The following ENOX2 variants were observed in gnomAD, a reference collection of about 807,000 sequenced individuals.
ENOX2 encodes ecto-NOX disulfide-thiol exchanger 2, also known as APK1 antigen.
ENOX2 carries 36 observed loss-of-function variants against 45.0 expected under a neutral mutation model. The ratio of observed to expected loss-of-function variants is 0.80; its 90% CI spans 0.61 to 1.06. ENOX2 has a LOEUF of 1.06. ENOX2 is among the 50% of genes least tolerant of loss of function. The pLI, the probability that ENOX2 is intolerant of heterozygous loss-of-function variation, is 0.00. For missense variants in ENOX2, 423 were observed against 462.5 expected (o/e 0.91, Z 0.78); for synonymous variants, 174 against 152.3 (o/e 1.14, Z -1.05).
At chrX:130,757,955 G>A (rs779773485) in intron 3 of ENOX2, among the ~76,000 whole-genome samples, 3 of 111,341 alleles carry the variant, frequency 2.7e-5, no homozygotes, top group African/African-American at 9.8e-5. Flanking sequence ...TGCCCAAGCT[G>A]GTCTCAAACT....
At chrX:130,645,812 C>T in intron 10 of ENOX2, 3 of 764,035 alleles carry the variant, frequency 3.9e-6, no homozygotes, top group Non-Finnish European at 4.0e-6. Flanking sequence ...TTGTCTACTT[C>T]CTCAGCACCA....
In ENOX2 at chrX:130,665,683, G is replaced by A; in HGVS notation, c.974C>T (p.Ala325Val). The stretch of plus-strand genomic sequence containing the variant: ...CCACACGCTGATGTTCTTCCGCTGG[G>A]CTTTTGTGAAGTGGTCCCATGCCTT... ...KQKAWDHFTK[A>V]QRKNISVWCK... is the part of the protein sequence containing the mutation. The change falls in exon 9 of 15, where the codon GCC becomes GTC. Residue 325 changes from alanine to valine, a missense_variant. Ala to Val is a moderately conservative substitution (Grantham distance 64). This residue lies in a region of ENOX2 where 261 missense variants were observed against 306.8 expected (regional missense o/e 0.85). Transcript: ENST00000394363. 8.3e-7 allele frequency: 1 copy of A among 1,206,697 alleles called. No homozygotes were observed. The highest frequency in any genetic ancestry group is 1.1e-6 in the Non-Finnish European group (1 of 892,828).
At chrX:130,700,505 C>T (rs763087638) in intron 4 of ENOX2, among the ~76,000 whole-genome samples, 2 of 111,960 alleles carry the variant, frequency 1.8e-5, no homozygotes, top group South Asian at 3.8e-4. Flanking sequence ...AGGTTTCAAA[C>T]GTCTGGTTGA....
At chrX:130,821,738 A>T (rs1468027075) in intron 2 of ENOX2, among the ~76,000 whole-genome samples, 15 of 81,908 alleles carry the variant, frequency 1.8e-4, no homozygotes, top group Admixed American at 4.1e-4. Flanking sequence ...ATAAATAAAT[A>T]AATTAAAAAA....
chrX:130,647,237 C>T (rs1008732667), intron 10 of ENOX2, among the ~76,000 whole-genome samples: 1 of 112,547 alleles, frequency 8.9e-6, no homozygotes, highest in Non-Finnish European at 1.9e-5. Context: ...TTCTTCTGTT[C>T]TGTCAATAGA....
intron 8 of ENOX2, 58 bp from the exon 9 acceptor site, chrX:130,665,807 G>A (rs2036820630): frequency 1.4e-6 from 1 of 693,687 alleles, no homozygotes; most frequent in Non-Finnish European, 2.3e-6. Flanking sequence ...GATGGAAAAA[G>A]AGAGGAGAAA....
chrX:130,820,341 A>T (rs1005083140), intron 2 of ENOX2, among the ~76,000 whole-genome samples: 1 of 112,459 alleles, frequency 8.9e-6, no homozygotes, highest in African/African-American at 3.2e-5. Context: ...GAGAAAAGGG[A>T]GTGCTTGCAC....
At chrX:130,668,076 T>TGAGAGA (rs755689837) in intron 7 of ENOX2, among the ~76,000 whole-genome samples, 2 of 102,414 alleles carry the variant, frequency 2.0e-5, no homozygotes, top group East Asian at 6.1e-4. Context: ...TGTGTGTGTG[T>TGAGAGA]GAGAGAGAGA....
At chrX:130,803,997 T>C (rs756173263) in intron 2 of ENOX2, among the ~76,000 whole-genome samples, 11 of 111,620 alleles carry the variant, frequency 9.9e-5, no homozygotes, top group African/African-American at 3.6e-4. Flanking sequence ...TTTTGGCCCA[T>C]AGTTTCTGCC....
In ENOX2 at chrX:130,784,876, C is replaced by T. The variant is rs185277259; in HGVS notation, c.-182-1186G>A. The stretch of plus-strand genomic sequence containing the variant: ...GTGCTGGGATTACAAGCTTGAGCCA[C>T]GGTGCGCAGCCCATAGCTCATTCTT... On this transcript the variant is annotated intron_variant, in intron 2 of 14. Coordinates refer to ENST00000394363, the MANE Select transcript of ENOX2 (RefSeq NM_006375.4). Among the ~76,000 whole-genome samples the T allele has an allele frequency of 2.1e-4, 23 of 108,499 alleles. No individual in the cohort carries two copies. In the East Asian group the frequency reaches 2.3e-3, roughly 11 times the overall value. The allele number at this position is 108,499 out of a possible 115,157, so 94.2% of individuals were successfully genotyped here.
chrX:130,649,877 G>A (rs1438645803), intron 10 of ENOX2, among the ~76,000 whole-genome samples: 1 of 111,690 alleles, frequency 9.0e-6, no homozygotes, highest in Non-Finnish European at 1.9e-5. Context: ...ATAGAAAAAG[G>A]CATATTAACT....
intron 3 of ENOX2, among the ~76,000 whole-genome samples, chrX:130,745,320 C>T (rs143001965): frequency 2.9e-4 from 32 of 111,604 alleles, no homozygotes; most frequent in East Asian, 2.5e-3. Context: ...CCTCTGTTAA[C>T]GGAAAACATT....
chrX:130,719,627 G>A (rs1052692399), intron 3 of ENOX2, among the ~76,000 whole-genome samples: 1 of 112,030 alleles, frequency 8.9e-6, no homozygotes, highest in South Asian at 3.7e-4. Context: ...CAGCTGAGGG[G>A]CGGCTGCAGC....
At chrX:130,784,586 C>CTTT (rs1038640682) in intron 2 of ENOX2, among the ~76,000 whole-genome samples, 8 of 92,228 alleles carry the variant, frequency 8.7e-5, no homozygotes, top group African/African-American at 2.0e-4. Context: ...ATAGCTCACT[C>CTTT]TTTTTTTTTT....
At chrX:130,824,822 AGT>A (rs2077685553) in intron 2 of ENOX2, among the ~76,000 whole-genome samples, 1 of 112,008 alleles carries the variant, frequency 8.9e-6, no homozygotes, top group Non-Finnish European at 1.9e-5. Flanking sequence ...ATTAAAACAC[AGT>A]GAGACATTAT....
intron 2 of ENOX2, among the ~76,000 whole-genome samples, chrX:130,897,293 C>T (rs750439520): frequency 8.9e-6 from 1 of 112,033 alleles, no homozygotes; most frequent in South Asian, 3.7e-4. Context: ...ATGTGAACCA[C>T]GACAGGGTGA....
intron 4 of ENOX2, among the ~76,000 whole-genome samples, chrX:130,701,808 A>C (rs761939470): frequency 7.4e-4 from 83 of 112,355 alleles, no homozygotes; most frequent in Non-Finnish European, 1.2e-3. Context: ...TCCATGGTCC[A>C]ATCACGGTAG....
At chrX:130,851,164 T>C (rs758052349) in intron 2 of ENOX2, among the ~76,000 whole-genome samples, 1 of 112,833 alleles carries the variant, frequency 8.9e-6, no homozygotes, top group African/African-American at 3.2e-5. Flanking sequence ...CAAACCAGAA[T>C]TGTATTTCCC....
intron 2 of ENOX2, among the ~76,000 whole-genome samples, chrX:130,896,198 G>A (rs1255200365): frequency 9.0e-6 from 1 of 111,613 alleles, no homozygotes; most frequent in Non-Finnish European, 1.9e-5. Flanking sequence ...TGGAAAAGCT[G>A]ACACAATCAT....
Sources: allele counts gnomAD v4.1 joint callset (sites outside exome capture counted in the v4.1 genomes callset), GRCh38; gene constraint gnomAD v4.1.1; regional missense constraint gnomAD v4.1.1; transcripts MANE v1.5; gene names NCBI Gene and HGNC (gene_info 2026-07-23, HGNC 2026-07-21).